The following MICAL3 variants were observed in gnomAD, a reference collection of about 807,000 sequenced individuals.
The protein encoded by MICAL3 is microtubule associated monooxygenase, calponin and LIM domain containing 3.
In MICAL3, 62 loss-of-function variants were observed where a neutral mutation model predicts 207.4. The observed-to-expected ratio is 0.30, with a 90% CI of 0.24 to 0.37. The LOEUF (loss-of-function observed/expected upper bound fraction) is 0.37, where lower values mean the gene tolerates loss of function less well. Ranked by LOEUF, MICAL3 falls within the 10% of genes least tolerant of loss-of-function variation. The pLI, the probability that MICAL3 is intolerant of heterozygous loss-of-function variation, is 1.00. For synonymous variants in MICAL3, 1,077 were observed against 1,069.3 expected (o/e 1.01, Z -0.14); for missense variants, 2,368 against 2,635.6 (o/e 0.90, Z 2.22).
intron 19 of MICAL3, chr22:17,861,471 G>A (rs1199152478): frequency 6.1e-6 from 6 of 985,406 alleles, no homozygotes; most frequent in Middle Eastern, 5.2e-4. Context: ...GTTCCTTTCC[G>A]GCTATGCCTT....
chr22:17,806,289 G>A (rs531480413), intron 29 of MICAL3, among the ~76,000 whole-genome samples: 227 of 152,292 alleles, frequency 1.5e-3, no homozygotes, highest in Non-Finnish European at 2.6e-3. Context: ...CTGACAGCAC[G>A]CACGCCTGTC....
intron 21 of MICAL3, among the ~76,000 whole-genome samples, chr22:17,829,003 G>A (rs919588563): frequency 5.3e-5 from 8 of 152,132 alleles, no homozygotes; most frequent in African/African-American, 1.4e-4. Context: ...GTGCTCTGCC[G>A]TATGTGGGGT....
Position 17,865,924 on chromosome 22 carries a change from C to T in MICAL3, c.2517G>A (p.Lys839=). The T allele has an allele frequency of 6.2e-7, 1 of 1,612,294 alleles. No homozygotes were observed. Among genetic ancestry groups the T allele is most frequent in the Non-Finnish European group, 8.5e-7 (1 of 1,178,258 alleles). The part of the protein sequence containing the change: ...KRPAVAPLSG[K]EAKGPLQDGA... ...CCACTTACAGGAGAGTCACCATTACCTTTCCAGACAGGGGAGCCACTGCCG... is the reference window on the plus strand; with the variant it reads ...CCACTTACAGGAGAGTCACCATTACTTTTCCAGACAGGGGAGCCACTGCCG... Residue 839 remains lysine (K), a splice_region_variant and synonymous_variant, in exon 18 of 32, where the codon AAG becomes AAA. Coordinates refer to ENST00000441493, the MANE Select transcript of MICAL3 (RefSeq NM_015241.3).
rs546248291 is a variant in MICAL3, at chr22:17,955,976, G to T, written c.-74-49090C>A. 4.5e-4 allele frequency among the ~76,000 whole-genome samples: 69 copies of T among 152,300 alleles called. No individual in the cohort carries two copies. The South Asian group carries it at 6.0e-3, about 13-fold the overall frequency. ...TTTTTAGTCATAAACCAAAATCTTC[G>T]ACCATTAAACGGTGTTTATGAATGT... On this transcript the variant is annotated intron_variant, in intron 1 of 31. Transcript: ENST00000441493.
intron 12 of MICAL3, among the ~76,000 whole-genome samples, chr22:17,890,051 T>A (rs1411998379): frequency 6.6e-6 from 1 of 152,142 alleles, no homozygotes; most frequent in East Asian, 1.9e-4. Flanking sequence ...CCTCAAAAAA[T>A]TTTTCCATTG....
At chr22:17,908,787 G>A (rs1931930643) in intron 1 of MICAL3, among the ~76,000 whole-genome samples, 1 of 152,198 alleles carries the variant, frequency 6.6e-6, no homozygotes, top group Non-Finnish European at 1.5e-5. Flanking sequence ...GCAGACAGAG[G>A]AAGGGAGTGG....
intron 28 of MICAL3, among the ~76,000 whole-genome samples, chr22:17,810,227 T>G (rs1238573176): frequency 6.6e-6 from 1 of 151,754 alleles, no homozygotes; most frequent in Non-Finnish European, 1.5e-5. Flanking sequence ...CACGCCTGGC[T>G]AATTTTTTGT....
Position 17,808,074 on chromosome 22 carries a change from T to G in MICAL3, c.5650+770A>C, listed in dbSNP as rs534892389. Among the ~76,000 whole-genome samples the G allele has an allele frequency of 3.4e-4, 52 of 152,376 alleles. 4 individuals are homozygous for G. The South Asian group carries it at 0.011, about 31-fold the overall frequency. On this transcript the variant is annotated intron_variant, in intron 29 of 31. Coordinates refer to ENST00000441493, the MANE Select transcript of MICAL3 (RefSeq NM_015241.3). ...AAGGTCCTGAACCAATAGGACTTCC[T>G]GGGCCGTGGGGCCAGAGATGCCTCA...
intron 1 of MICAL3, among the ~76,000 whole-genome samples, chr22:18,023,291 T>G (rs966753697): frequency 1.3e-5 from 2 of 152,084 alleles, no homozygotes; most frequent in Non-Finnish European, 2.9e-5. Context: ...CCCAGACCAA[T>G]TAAGTCAGAA....
intron 1 of MICAL3, among the ~76,000 whole-genome samples, chr22:17,918,359 T>A (rs539121385): frequency 1.3e-5 from 2 of 152,202 alleles, no homozygotes; most frequent in Admixed American, 6.5e-5. Context: ...AATTTCAACA[T>A]TAATTCACTT....
chr22:17,929,780 C>T (rs1236565059), intron 1 of MICAL3, among the ~76,000 whole-genome samples: 7 of 152,196 alleles, frequency 4.6e-5, no homozygotes, highest in Non-Finnish European at 7.4e-5. Flanking sequence ...GATGCCCAGG[C>T]TGGTCTCGAA....
In MICAL3 at chr22:18,017,271, T is replaced by A. The variant is rs541870050; in HGVS notation, c.-75+7010A>T. 2.0e-4 allele frequency among the ~76,000 whole-genome samples: 31 copies of A among 151,974 alleles called. 1 individual carries two copies. In the South Asian group the frequency reaches 6.2e-3, roughly 31 times the overall value. On this transcript the variant is annotated intron_variant, in intron 1 of 31. Coordinates refer to ENST00000441493, the MANE Select transcript of MICAL3 (RefSeq NM_015241.3). ...TCTTCTTGCCTAGGCTGGCGTGCAA[T>A]GGCGCAATCTCGGCTCACTGCAACC... is the stretch of plus-strand genomic sequence containing the variant.
chr22:17,889,782 G>C (rs1386119125), intron 12 of MICAL3, among the ~76,000 whole-genome samples: 2 of 152,108 alleles, frequency 1.3e-5, no homozygotes, highest in Non-Finnish European at 1.5e-5. Flanking sequence ...CCTCTATCCT[G>C]GGAAATAGGG....
At chr22:17,830,824 C>T (rs551730015) in intron 21 of MICAL3, among the ~76,000 whole-genome samples, 6 of 152,344 alleles carry the variant, frequency 3.9e-5, no homozygotes, top group East Asian at 1.9e-4. Context: ...TTCTCGCGGA[C>T]GCCCAACGGT....
At chr22:17,915,147 T>G (rs73151057) in intron 1 of MICAL3, among the ~76,000 whole-genome samples, 46,081 of 152,176 alleles carry the variant, frequency 0.3, 7,838 homozygotes, top group East Asian at 0.55. Context: ...ATCCAATCTA[T>G]AACGTCGGTG....
chr22:17,914,960 T>C (rs1932386941), intron 1 of MICAL3, among the ~76,000 whole-genome samples: 1 of 152,184 alleles, frequency 6.6e-6, no homozygotes, highest in Non-Finnish European at 1.5e-5. Flanking sequence ...GACCTCAACC[T>C]GCCCACTGTC....
At chr22:17,974,353 C>T (rs5992934) in intron 1 of MICAL3, among the ~76,000 whole-genome samples, 45,326 of 152,110 alleles carry the variant, frequency 0.3, 7,713 homozygotes, top group African/African-American at 0.46. Flanking sequence ...GCTCAATAAA[C>T]GGGAATTACT....
At chr22:17,997,050 C>CTTTTTTTTT (rs71716810) in intron 1 of MICAL3, among the ~76,000 whole-genome samples, 9 of 75,516 alleles carry the variant, frequency 1.2e-4, no homozygotes, top group Admixed American at 1.9e-4. Context: ...CCCATCTAGT[C>CTTTTTTTTT]TTTTTTTTTT....
At chr22:17,877,126 T>C (rs201343988) in intron 16 of MICAL3, among the ~76,000 whole-genome samples, 4 of 77,970 alleles carry the variant, frequency 5.1e-5, no homozygotes, top group Admixed American at 1.2e-4. Context: ...AGGGAGGTTA[T>C]GGAGGTTAGG....
Sources: allele counts gnomAD v4.1 joint callset (sites outside exome capture counted in the v4.1 genomes callset), GRCh38; gene constraint gnomAD v4.1.1; transcripts MANE v1.5; gene names NCBI Gene and HGNC (gene_info 2026-07-23, HGNC 2026-07-21).